Variants in PARP8 observed in about 807,000 individuals in gnomAD.
PARP8 encodes poly(ADP-ribose) polymerase family member 8, also known as protein mono-ADP-ribosyltransferase PARP8.
Under a neutral mutation model 124.1 loss-of-function variants are expected in PARP8, and 51 were observed. The ratio of observed to expected loss-of-function variants is 0.41; its 90% confidence interval spans 0.33 to 0.52. PARP8 has a LOEUF of 0.52. PARP8 is among the 20% of genes least tolerant of loss of function. PARP8 has a pLI of 0.21. For synonymous variants in PARP8, 391 were observed against 361.5 expected (o/e 1.08, Z -0.93); for missense variants, 860 against 1,018.9 (o/e 0.84, Z 2.12).
intron 2 of PARP8, among the ~76,000 whole-genome samples, chr5:50,736,453 A>C (rs1365671175): frequency 6.6e-6 from 1 of 152,152 alleles, no homozygotes; most frequent in Non-Finnish European, 1.5e-5. Flanking sequence ...TATTTTAAGC[A>C]AAGTCTACTG....
chr5:50,823,148 A>G (rs1580465342), intron 17 of PARP8, among the ~76,000 whole-genome samples: 1 of 152,214 alleles, frequency 6.6e-6, no homozygotes, highest in South Asian at 2.1e-4. Flanking sequence ...CAGGCTTATA[A>G]TGAGTATTAC....
At chr5:50,797,063 A>G (rs1324324094) in intron 13 of PARP8, 31 bp downstream of exon 13, 3 of 1,611,876 alleles carry the variant, frequency 1.9e-6, no homozygotes, top group South Asian at 2.2e-5. Context: ...CATTGTACAA[A>G]TATTTTAGTT....
At chr5:50,712,317 A>G (rs1424846270) in intron 2 of PARP8, among the ~76,000 whole-genome samples, 2 of 152,268 alleles carry the variant, frequency 1.3e-5, no homozygotes, top group African/African-American at 2.4e-5. Context: ...CTGTTTCCCT[A>G]CAATAAATAT....
intron 2 of PARP8, among the ~76,000 whole-genome samples, chr5:50,703,299 C>CAAA (rs34772044): frequency 7.7e-4 from 90 of 117,540 alleles, no homozygotes; most frequent in African/African-American, 2.7e-3. Context: ...GACCGTGTCT[C>CAAA]AAAAAAAAAA....
rs1741074008 is a variant in PARP8 at position 50,784,893 on chromosome 5, G to A, written c.671-3630G>A. ...TTTCTAACTCATTATTATCAAGAAAGTATTAATTTTTTAAAACATTGTTAA... is the reference window on the plus strand; with the variant it reads ...TTTCTAACTCATTATTATCAAGAAAATATTAATTTTTTAAAACATTGTTAA... On this transcript the variant is annotated intron_variant, in intron 9 of 25. Transcript: ENST00000281631. Among the ~76,000 whole-genome samples, 2 of 151,794 alleles carry A rather than the reference G, an allele frequency of 1.3e-5. 1 individual carries two copies. Among genetic ancestry groups the A allele is most frequent in the Admixed American group, 1.3e-4 (2 of 15,238 alleles).
At chr5:50,799,005 C>A (rs1742887136) in intron 14 of PARP8, among the ~76,000 whole-genome samples, 1 of 151,916 alleles carries the variant, frequency 6.6e-6, no homozygotes, top group South Asian at 2.1e-4. Context: ...CAATTATTTT[C>A]TTCTATTTTG....
rs536968168 is a variant in PARP8, at chr5:50,750,240, AT to A, written c.184+59del. 19 of 1,436,522 alleles carry A rather than the reference AT, an allele frequency of 1.3e-5. 1 individual carries two copies. The highest frequency in any genetic ancestry group is 1.1e-4 in the Admixed American group (6 of 54,386). The allele number at this position is 1,436,522 out of a possible 1,614,324, so 89.0% of individuals were successfully genotyped here. ...TATTCGTATCAGGGTTCCTTTGAAT[AT>A]TTTTTTCTTCTGGAGATGTAAAACG... On this transcript the variant is annotated intron_variant, in intron 3 of 25. Coordinates refer to ENST00000281631, the MANE Select transcript of PARP8 (RefSeq NM_024615.4).
At chr5:50,833,512 G>T in intron 23 of PARP8, 1 of 273,870 alleles carries the variant, frequency 3.7e-6, no homozygotes, top group Non-Finnish European at 7.2e-6. Flanking sequence ...TCTAATATCT[G>T]AAAAAAAAAA....
Position 50,837,085 on chromosome 5 carries a change from A to G in PARP8, c.2462+2070A>G, listed in dbSNP as rs192853515. Among the ~76,000 whole-genome samples, 38 of 152,286 alleles carry G rather than the reference A, an allele frequency of 2.5e-4. No individual in the cohort carries two copies. The East Asian group carries it at 6.2e-3, about 25-fold the overall frequency. On this transcript the variant is annotated intron_variant, in intron 25 of 25. Transcript: ENST00000281631. Reference sequence around the variant, plus strand: ...GATGTACATGTTGCGGGGGGTGTTTACTGGAGAAAAGAATTTCTGTATTTC... The same window carrying G: ...GATGTACATGTTGCGGGGGGTGTTTGCTGGAGAAAAGAATTTCTGTATTTC...
chr5:50,835,333 A>G (rs1194830792), intron 25 of PARP8, among the ~76,000 whole-genome samples: 1 of 152,196 alleles, frequency 6.6e-6, no homozygotes, highest in Non-Finnish European at 1.5e-5. Flanking sequence ...ACCTAAGGTC[A>G]GGAGTTTGAG....
At chr5:50,760,468 G>A in intron 5 of PARP8, 106 bp downstream of exon 5, 1 of 921,154 alleles carries the variant, frequency 1.1e-6, no homozygotes, top group East Asian at 3.6e-5. Flanking sequence ...AATGGTATAT[G>A]GTGAATGAAA....
rs1211253892 is a variant in PARP8 at position 50,747,163 on chromosome 5, G to GTTTTTTTTTTTTTTT, written c.147-2985_147-2971dup. 1.2e-4 allele frequency among the ~76,000 whole-genome samples: 11 copies of GTTTTTTTTTTTTTTT among 95,502 alleles called. 1 individual carries two copies. The highest frequency in any genetic ancestry group is 3.2e-4 in the East Asian group (1 of 3,136). The allele number at this position is 95,502 out of a possible 152,430, so 62.7% of individuals were successfully genotyped here. On this transcript the variant is annotated intron_variant, in intron 2 of 25. Transcript: ENST00000281631. ...ATGGTTTTTTTTGTTTGTTTGTTTT[G>GTTTTTTTTTTTTTTT]TTTTTTTTTTTTTTTTTGTCTCTTC...
chr5:50,798,607 A>G (rs1247026037), intron 14 of PARP8, among the ~76,000 whole-genome samples: 1 of 151,772 alleles, frequency 6.6e-6, no homozygotes, highest in African/African-American at 2.4e-5. Flanking sequence ...TTTTTTTAGT[A>G]GAGACAGGGT....
In PARP8 at chr5:50,846,129, TA is replaced by T. The variant is rs1194961275; in HGVS notation, c.*4066del. 1.3e-5 allele frequency: 2 copies of T among 151,790 alleles called. No individual in the cohort carries two copies. The highest frequency in any genetic ancestry group is 2.9e-5 in the Non-Finnish European group (2 of 67,814). 9.4% of individuals were successfully genotyped at this position (151,790 alleles called of 1,614,324 possible). On this transcript the variant is annotated 3_prime_UTR_variant, in exon 26 of 26. Coordinates refer to ENST00000281631, the MANE Select transcript of PARP8 (RefSeq NM_024615.4). ...ACATAGTCAATATAATTTAATGTTCTAAAAATAATATCTTCGATCTGCCCAA... is the reference window on the plus strand; with the variant it reads ...ACATAGTCAATATAATTTAATGTTCTAAAATAATATCTTCGATCTGCCCAA...
chr5:50,828,450 CTGT>C lies in PARP8; in HGVS notation c.2163+71_2163+73del. On this transcript the variant is annotated intron_variant, in intron 21 of 25. Transcript: ENST00000281631. The stretch of plus-strand genomic sequence containing the variant: ...CAGAATTGAGATTCAGTAAGCAACC[CTGT>C]TGTTAGGTTTAACTTGCAAAAGAGG... 3.5e-6 allele frequency: 5 copies of C among 1,425,306 alleles called. No homozygotes were observed. In the South Asian group the frequency reaches 3.6e-5, roughly 10 times the overall value. The allele number at this position is 1,425,306 out of a possible 1,614,324, so 88.3% of individuals were successfully genotyped here. A position where few individuals can be genotyped will look rare whatever the true frequency, so the allele number is the denominator to read the frequency against.
At chr5:50,672,006 TA>T (rs1433827910) in intron 2 of PARP8, among the ~76,000 whole-genome samples, 12 of 152,266 alleles carry the variant, frequency 7.9e-5, no homozygotes, top group African/African-American at 2.9e-4. Context: ...ACACTAATAA[TA>T]GTAATGGAAT....
chr5:50,687,728 G>T (rs1261858219), intron 2 of PARP8, among the ~76,000 whole-genome samples: 1 of 152,126 alleles, frequency 6.6e-6, no homozygotes, highest in Non-Finnish European at 1.5e-5. Context: ...AGAGGCTTGT[G>T]CAGGAAAACT....
chr5:50,816,523 C>T (rs1461043357), intron 15 of PARP8, among the ~76,000 whole-genome samples: 4 of 151,990 alleles, frequency 2.6e-5, no homozygotes, highest in Non-Finnish European at 4.4e-5. Flanking sequence ...CACTCCTTGG[C>T]CTAGTCATTT....
chr5:50,746,538 A>G (rs1758561854), intron 2 of PARP8, among the ~76,000 whole-genome samples: 1 of 152,212 alleles, frequency 6.6e-6, no homozygotes, highest in African/African-American at 2.4e-5. Context: ...GTGAGTCTAT[A>G]TTATATAAAA....
Sources: gnomAD v4.1 joint callset for allele counts (sites outside exome capture counted in the v4.1 genomes callset) on GRCh38, gnomAD v4.1.1 for gene constraint, MANE v1.5 for transcripts, NCBI Gene and HGNC (gene_info 2026-07-23, HGNC 2026-07-21) for gene names.